The following ATP13A1 variants were observed in gnomAD, a reference collection of about 807,000 sequenced individuals.
ATP13A1 encodes the protein ATPase 13A1, also known as endoplasmic reticulum transmembrane helix translocase.
ATP13A1 carries 55 observed loss-of-function variants against 134.8 expected under a neutral mutation model. The observed-to-expected ratio is 0.41, with a 90% CI of 0.33 to 0.51. The LOEUF is 0.51. Among genes scored for constraint, ATP13A1 ranks in the 20% least tolerant of loss-of-function variants. The pLI is 0.29. For synonymous variants in ATP13A1, 775 were observed against 725.1 expected (o/e 1.07, Z -1.10); for missense variants, 1,389 against 1,652.8 (o/e 0.84, Z 2.77).
Position 19,649,602 on chromosome 19 carries a change from G to A in ATP13A1, c.2597C>T (p.Thr866Ile), listed in dbSNP as rs1460373998. 2 of 1,613,888 alleles carry A rather than the reference G, an allele frequency of 1.2e-6. No homozygotes were observed. Among genetic ancestry groups the A allele is most frequent in the East Asian group, 2.2e-5 (1 of 44,874 alleles). The part of the protein sequence containing the change: ...GYVTLMCGDG[T>I]NDVGALKHAD... The stretch of plus-strand genomic sequence containing the variant: ...ATGCTTCAGGGCGCCCACGTCGTTG[G>A]TGCCATCCCCACACATGAGGGTCAC... The change falls in exon 19 of 26, where the codon ACC becomes ATC. Residue 866 changes from threonine (T) to isoleucine (I), a missense_variant. Thr to Ile is a moderately conservative substitution (Grantham distance 89, BLOSUM62 -1). Coordinates refer to ENST00000357324, the MANE Select transcript of ATP13A1 (RefSeq NM_020410.3).
At position 19,647,048 on chromosome 19, in the gene ATP13A1, G is replaced by C. The variant is rs896455893; in HGVS notation, c.3105+81C>G. 7.0e-6 allele frequency: 10 copies of C among 1,437,730 alleles called. No homozygotes were observed. The highest frequency in any genetic ancestry group is 2.2e-5 in the Admixed American group (1 of 45,336). 89.1% of individuals were successfully genotyped at this position (1,437,730 alleles called of 1,614,324 possible). The stretch of plus-strand genomic sequence containing the variant: ...TGGGGCCCTGGGTCCTGTAACTTGG[G>C]GATGACAATTCCCGTGCCTATATCA... On this transcript the variant is annotated intron_variant, in intron 22 of 25. Coordinates refer to ENST00000357324, the MANE Select transcript of ATP13A1 (RefSeq NM_020410.3). This position sits in a 1 kb window ranked among gnomAD's most constrained non-coding sequence, Gnocchi z 4.8.
Position 19,645,766 on chromosome 19 carries a change from G to A in ATP13A1, c.3385C>T (p.Pro1129Ser), listed in dbSNP as rs745922381. ...YKGPPFMESL[P>S]ENKPLVWSLA... The stretch of plus-strand genomic sequence containing the variant: ...CTCCACACCAGGGGCTTGTTCTCGG[G>A]CAGGCTCTCCATGAAGGGCGGGCCC... Residue 1129 changes from proline (P) to serine (S), a missense_variant, in exon 25 of 26, where the codon CCC (proline) becomes TCC (serine). Coordinates refer to ENST00000357324, the MANE Select transcript of ATP13A1 (RefSeq NM_020410.3). The surrounding 1 kb of genome is among the most constrained non-coding windows in gnomAD (Gnocchi z 4.1). 8 of 1,608,994 alleles carry A rather than the reference G, an allele frequency of 5.0e-6. No individual in the cohort carries two copies. In the South Asian group the frequency reaches 8.8e-5, roughly 18 times the overall value.
In ATP13A1 at chr19:19,655,034, G is replaced by A. The variant is rs2062048424; in HGVS notation, c.1655+85C>T. On this transcript the variant is annotated intron_variant, in intron 12 of 25. Transcript: ENST00000357324. This position sits in a 1 kb window ranked among gnomAD's most constrained non-coding sequence, Gnocchi z 5.7. The stretch of plus-strand genomic sequence containing the variant: ...GCCTCTGACGGGCCCTCACTGCAAG[G>A]GCTTGGGGTGGATGGGCCACCTGTC... The A allele has an allele frequency of 3.8e-6, 6 of 1,566,184 alleles. No homozygotes were observed. In the Admixed American group the frequency reaches 9.1e-5, roughly 24 times the overall value.
chr19:19,649,701 C>G (rs2062011587), intron 18 of ATP13A1, 38 bp from the exon 19 acceptor site: 1 of 1,613,172 alleles, frequency 6.2e-7, no homozygotes, highest in Non-Finnish European at 8.5e-7. Flanking sequence ...GGGCTGCGTG[C>G]CTACCGCTGT....
Position 19,656,638 on chromosome 19 carries a change from A to G in ATP13A1, c.1083+22T>C. Reference sequence around the variant, plus strand: ...CTGTTTCCTCCTGAACAGCTTGAGGATCCCCATCCTCCACCAAGTACCTTC... The same window carrying G: ...CTGTTTCCTCCTGAACAGCTTGAGGGTCCCCATCCTCCACCAAGTACCTTC... On this transcript the variant is annotated intron_variant, in intron 7 of 25. Coordinates refer to ENST00000357324, the MANE Select transcript of ATP13A1 (RefSeq NM_020410.3). The surrounding 1 kb of genome is among the most constrained non-coding windows in gnomAD (Gnocchi z 4.6). 1.2e-6 allele frequency: 2 copies of G among 1,608,370 alleles called. No individual in the cohort carries two copies. The highest frequency in any genetic ancestry group is 1.7e-6 in the Non-Finnish European group (2 of 1,177,148).
Position 19,647,488 on chromosome 19 carries a change from C to G in ATP13A1, c.2834G>C (p.Ser945Thr). 6.2e-7 allele frequency: 1 copy of G among 1,613,322 alleles called. No homozygotes were observed. Among genetic ancestry groups the G allele is most frequent in the Non-Finnish European group, 8.5e-7 (1 of 1,179,628 alleles). ...ATCCCCCAGTTTCACAATGGGCGTA[C>G]TCTCGTCCTCGAGGTCTCGCAGCAC... is the stretch of plus-strand genomic sequence containing the variant. ...SQVLRDLEDE[S>T]TPIVKLGDAS... The change falls in exon 21 of 26, where the codon AGT becomes ACT. Residue 945 changes from serine (S) to threonine (T), a missense_variant. Physicochemically the swap from Ser to Thr is moderately conservative, Grantham distance 58. Transcript: ENST00000357324. This position sits in a 1 kb window ranked among gnomAD's most constrained non-coding sequence, Gnocchi z 4.8.
intron 1 of ATP13A1, among the ~76,000 whole-genome samples, chr19:19,661,774 G>A (rs2062096139): frequency 6.6e-6 from 1 of 152,156 alleles, no homozygotes; most frequent in Non-Finnish European, 1.5e-5. Flanking sequence ...GCATGGAGAT[G>A]GGGGGAGCAC....
At chr19:19,652,555 A>G (rs770251117) in intron 16 of ATP13A1, 40 bp downstream of exon 16, 1 of 1,587,566 alleles carries the variant, frequency 6.3e-7, no homozygotes, top group Non-Finnish European at 8.6e-7. Context: ...CCTCGCCTCT[A>G]TTTCCCATGC....
rs1408499029 is a variant in ATP13A1 at position 19,647,771 on chromosome 19, G to A, written c.2633-12C>T. ...CAAGAGCGCCACACCTGGGGGGCAG[G>A]AGGGTGTCAGACCCGGAGGAGCAGG... On this transcript the variant is annotated splice_polypyrimidine_tract_variant and intron_variant, in intron 19 of 25. Coordinates refer to ENST00000357324, the MANE Select transcript of ATP13A1 (RefSeq NM_020410.3). This position sits in a 1 kb window ranked among gnomAD's most constrained non-coding sequence, Gnocchi z 4.8. 6.3e-7 allele frequency: 1 copy of A among 1,583,788 alleles called. No homozygotes were observed. Among genetic ancestry groups the A allele is most frequent in the Non-Finnish European group, 8.5e-7 (1 of 1,171,230 alleles).
intron 12 of ATP13A1, 143 bp downstream of exon 12, chr19:19,654,976 G>T: frequency 7.4e-7 from 1 of 1,348,266 alleles, no homozygotes; most frequent in Non-Finnish European, 9.9e-7. Context: ...CCAGGACTTT[G>T]TGGGGAGCCC....
Position 19,649,836 on chromosome 19 carries a change from C to G in ATP13A1, c.2440G>C (p.Asp814His). ...GTGGCCTGCAGGTGGGCCAAGCCGTCGCCTGTGAGGCACAGTGCGTACTCC... is the reference window on the plus strand; with the variant it reads ...GTGGCCTGCAGGTGGGCCAAGCCGTGGCCTGTGAGGCACAGTGCGTACTCC... ...ALEYALCLTGDGLAHLQATDP... is the reference protein window; with the variant it reads ...ALEYALCLTGHGLAHLQATDP... Residue 814 changes from aspartate to histidine, a missense_variant, in exon 18 of 26, where the codon GAC (aspartate) becomes CAC (histidine). By Grantham distance (81) the Asp-to-His change is moderately conservative (BLOSUM62 -1). Around this residue, in one of 4 missense-constraint regions of ATP13A1, gnomAD observed 747 missense variants for 956.1 expected, o/e 0.78. Coordinates refer to ENST00000357324, the MANE Select transcript of ATP13A1 (RefSeq NM_020410.3). The G allele has an allele frequency of 6.2e-7, 1 of 1,603,256 alleles. No homozygotes were observed. The highest frequency in any genetic ancestry group is 1.1e-5 in the South Asian group (1 of 90,942).
chr19:19,660,018 A>T (rs1338533919), intron 1 of ATP13A1, 31 bp from the exon 2 acceptor site: 1 of 1,539,468 alleles, frequency 6.5e-7, no homozygotes. Flanking sequence ...ATTGTGGCTT[A>T]GCTCTTCTCA....
At chr19:19,654,207 C>T in intron 13 of ATP13A1, 63 bp from the exon 14 acceptor site, 1 of 1,478,424 alleles carries the variant, frequency 6.8e-7, no homozygotes, top group South Asian at 1.3e-5. Flanking sequence ...AAGCCCCTAC[C>T]TCTCACCCCG....
chr19:19,662,080 C>G, intron 1 of ATP13A1: 1 of 1,576,572 alleles, frequency 6.3e-7, no homozygotes, highest in South Asian at 1.2e-5. Flanking sequence ...TCCACCTCTC[C>G]TGGCTGATGG....
Position 19,645,394 on chromosome 19 carries a change from G to T in ATP13A1, c.*28C>A. ...GGGTTCCCGCCCAGCGGCAGCCAGG[G>T]TGGGCAGTGGGTACCAGCACTGCCA... On this transcript the variant is annotated 3_prime_UTR_variant, in exon 26 of 26. Transcript: ENST00000357324. This position sits in a 1 kb window ranked among gnomAD's most constrained non-coding sequence, Gnocchi z 4.1. 2 of 1,571,330 alleles carry T rather than the reference G, an allele frequency of 1.3e-6. No homozygotes were observed. The highest frequency in any genetic ancestry group is 2.4e-5 in the East Asian group (1 of 42,496).
Position 19,651,740 on chromosome 19 carries a change from G to A in ATP13A1, c.2284C>T (p.His762Tyr), listed in dbSNP as rs1258589899. ...LTACHVAQEL[H>Y]FIEKAHTLIL... ...AGCGTGTGGGCCTTTTCAATGAAGT[G>A]CAGCTCCTGGGCCACGTGGCATGCA... is the stretch of plus-strand genomic sequence containing the variant. The change falls in exon 17 of 26, where the codon CAC (histidine) becomes TAC (tyrosine). Residue 762 changes from histidine to tyrosine, a missense_variant. Around this residue, in one of 4 missense-constraint regions of ATP13A1, gnomAD observed 747 missense variants for 956.1 expected, o/e 0.78. Transcript: ENST00000357324. 1.2e-6 allele frequency: 2 copies of A among 1,613,458 alleles called. No homozygotes were observed. The highest frequency in any genetic ancestry group is 1.7e-6 in the Non-Finnish European group (2 of 1,179,686).
chr19:19,650,704 G>A (rs2062018574), intron 17 of ATP13A1: 1 of 152,490 alleles, frequency 6.6e-6, no homozygotes, highest in South Asian at 2.1e-4. Flanking sequence ...AACAGAGGGA[G>A]GGCAGGGACC....
In ATP13A1 at chr19:19,649,792, G is replaced by C. The variant is rs1395794848; in HGVS notation, c.2484C>G (p.Leu828=). Residue 828 remains leucine, a synonymous_variant, in exon 18 of 26, where the codon CTC becomes CTG. Coordinates refer to ENST00000357324, the MANE Select transcript of ATP13A1 (RefSeq NM_020410.3). The stretch of plus-strand genomic sequence containing the variant: ...ACACCTGCACATGGGGGATGAGGCG[G>C]AGCAGCTGCTGGGGGTCGGTGGCCT... The part of the protein sequence containing the change: ...HLQATDPQQL[L]RLIPHVQVFA... 11 of 1,601,744 alleles carry C rather than the reference G, an allele frequency of 6.9e-6. No individual in the cohort carries two copies. The highest frequency in any genetic ancestry group is 8.5e-6 in the Non-Finnish European group (10 of 1,176,134).
rs2061994738 is a variant in ATP13A1 at position 19,647,650 on chromosome 19, G to C, written c.2742C>G (p.Ala914=). ...NSGIRATSRT[A]KQRSGLPPSE... Reference sequence around the variant, plus strand: ...AGGGAGGGAGCCCCGACCGCTGCTTGGCTGTCCTGGAGGTGGCTCTGATGC... The same window carrying C: ...AGGGAGGGAGCCCCGACCGCTGCTTCGCTGTCCTGGAGGTGGCTCTGATGC... Residue 914 remains alanine, a synonymous_variant, in exon 20 of 26, where the codon GCC becomes GCG. Transcript: ENST00000357324. This position sits in a 1 kb window ranked among gnomAD's most constrained non-coding sequence, Gnocchi z 4.8. The C allele has an allele frequency of 6.2e-7, 1 of 1,613,026 alleles. No homozygotes were observed. The highest frequency in any genetic ancestry group is 1.3e-5 in the African/African-American group (1 of 74,906).
Sources: gnomAD v4.1 joint callset for allele counts (sites outside exome capture counted in the v4.1 genomes callset) on GRCh38, gnomAD v4.1.1 for gene constraint, gnomAD v4.1.1 regional missense constraint, Gnocchi (gnomAD v3.1) non-coding constraint, MANE v1.5 for transcripts, NCBI Gene and HGNC (gene_info 2026-07-23, HGNC 2026-07-21) for gene names.